Variants in PIEZO2 observed in about 807,000 individuals in gnomAD.
PIEZO2 encodes piezo type mechanosensitive ion channel component 2, also known as piezo-type mechanosensitive ion channel component 2.
A neutral mutation model predicts 337.3 loss-of-function variants in PIEZO2; 172 were observed. The observed-to-expected ratio is 0.51, with a 90% CI of 0.45 to 0.58. The LOEUF is 0.58. Ranked by LOEUF, PIEZO2 falls within the 20% of genes least tolerant of loss-of-function variation. The pLI, the probability that PIEZO2 is intolerant of heterozygous loss-of-function variation, is 0.00. For synonymous variants in PIEZO2, 1,251 were observed against 1,228.5 expected, an observed-to-expected ratio of 1.02 and a Z score of -0.38; for missense variants, 3,028 against 3,391.3, an observed-to-expected ratio of 0.89 and a Z score of 2.66.
At chr18:10,688,747 A>G (rs1254529959) in intron 49 of PIEZO2, among the ~76,000 whole-genome samples, 1 of 152,058 alleles carries the variant, frequency 6.6e-6, no homozygotes, top group Non-Finnish European at 1.5e-5. Flanking sequence ...AACAATCCCT[A>G]GTTCTTCCTA....
Position 10,672,431 on chromosome 18 carries a change from G to T in PIEZO2, c.8345+259C>A, listed in dbSNP as rs985177058. Among the ~76,000 whole-genome samples the T allele has an allele frequency of 5.3e-5, 8 of 152,126 alleles. No homozygotes were observed. The highest frequency in any genetic ancestry group is 1.7e-4 in the African/African-American group (7 of 41,440). On this transcript the variant is annotated intron_variant, in intron 55 of 55. Coordinates refer to ENST00000674853, the MANE Select transcript of PIEZO2 (RefSeq NM_001378183.1). The surrounding 1 kb of genome is among the most constrained non-coding windows in gnomAD (Gnocchi z 4.7). The stretch of plus-strand genomic sequence containing the variant: ...ATTTATACAAGTAAACATGGGATTG[G>T]ATTAAACTGTGCCATAACAGGAAGA...
chr18:10,794,682 C>T lies in PIEZO2; in HGVS notation c.1758+90G>A. On this transcript the variant is annotated intron_variant, in intron 13 of 55. Coordinates refer to ENST00000674853, the MANE Select transcript of PIEZO2 (RefSeq NM_001378183.1). This position sits in a 1 kb window ranked among gnomAD's most constrained non-coding sequence, Gnocchi z 6.6. ...TTACAAAGCAGTGAATATTTGGAAC[C>T]TGTTTTTATAAGGTTTCTCTTGGAT... The T allele has an allele frequency of 9.6e-7, 1 of 1,045,324 alleles. No homozygotes were observed. Among genetic ancestry groups the T allele is most frequent in the Non-Finnish European group, 1.3e-6 (1 of 743,322 alleles). The allele number at this position is 1,045,324 out of a possible 1,614,324, so 64.8% of individuals were successfully genotyped here. A position where few individuals can be genotyped will look rare whatever the true frequency, so the allele number is the denominator to read the frequency against.
intron 33 of PIEZO2, 89 bp downstream of exon 33, chr18:10,740,942 G>T: frequency 7.7e-7 from 1 of 1,305,842 alleles, no homozygotes; most frequent in South Asian, 1.3e-5. Flanking sequence ...ACCATGCATG[G>T]AACACATGGG....
chr18:11,005,194 C>A (rs951961836), intron 2 of PIEZO2, among the ~76,000 whole-genome samples: 1 of 152,222 alleles, frequency 6.6e-6, no homozygotes, highest in Non-Finnish European at 1.5e-5. Flanking sequence ...GTCCATTCCC[C>A]TTCACATCAG....
chr18:10,917,035 C>T (rs1414019199), intron 3 of PIEZO2, among the ~76,000 whole-genome samples: 1 of 152,126 alleles, frequency 6.6e-6, no homozygotes, highest in African/African-American at 2.4e-5. Flanking sequence ...TGCACACGAC[C>T]TTCCATCCAG....
At chr18:10,889,107 T>C (rs1047342859) in intron 4 of PIEZO2, among the ~76,000 whole-genome samples, 2 of 152,130 alleles carry the variant, frequency 1.3e-5, no homozygotes, top group Middle Eastern at 3.2e-3. Flanking sequence ...AGAGAAGAGA[T>C]GGAGAAGAGA....
intron 4 of PIEZO2, among the ~76,000 whole-genome samples, chr18:10,889,145 G>A (rs2042687706): frequency 6.6e-6 from 1 of 152,210 alleles, no homozygotes; most frequent in Admixed American, 6.5e-5. Context: ...GTCCACCCAG[G>A]TGTGCACAGG....
chr18:10,690,955 T>A (rs1321442415), intron 48 of PIEZO2, among the ~76,000 whole-genome samples: 2 of 152,180 alleles, frequency 1.3e-5, no homozygotes. Flanking sequence ...GTATCCCTAT[T>A]TTTCATTCTC....
At chr18:10,843,412 C>G (rs1475534725) in intron 7 of PIEZO2, among the ~76,000 whole-genome samples, 1 of 152,044 alleles carries the variant, frequency 6.6e-6, no homozygotes, top group Non-Finnish European at 1.5e-5. Flanking sequence ...ATTTTATACG[C>G]TGTTCTCTTA....
At chr18:11,072,523 A>G (rs1324022556) in intron 1 of PIEZO2, among the ~76,000 whole-genome samples, 1 of 152,242 alleles carries the variant, frequency 6.6e-6, no homozygotes, top group Non-Finnish European at 1.5e-5. Context: ...AAGAGCATGC[A>G]TAGTGCATGT....
rs1408334705 is a variant in PIEZO2 at position 10,828,618 on chromosome 18, T to C, written c.918-21344A>G. Reference sequence around the variant, plus strand: ...GCCCAGAGAGGGTCCGGAACTCAAATATTGGTTCTTCTCATACCAAATCCT... The same window carrying C: ...GCCCAGAGAGGGTCCGGAACTCAAACATTGGTTCTTCTCATACCAAATCCT... On this transcript the variant is annotated intron_variant, in intron 7 of 55. Transcript: ENST00000674853. The surrounding 1 kb of genome is among the most constrained non-coding windows in gnomAD (Gnocchi z 4.1). Among the ~76,000 whole-genome samples, 1 of 152,194 alleles carries C rather than the reference T, an allele frequency of 6.6e-6. No individual in the cohort carries two copies. The highest frequency in any genetic ancestry group is 2.4e-5 in the African/African-American group (1 of 41,444).
rs554498429 is a variant in PIEZO2 at position 10,977,415 on chromosome 18, T to A, written c.286+2120A>T. On this transcript the variant is annotated intron_variant, in intron 3 of 55. Coordinates refer to ENST00000674853, the MANE Select transcript of PIEZO2 (RefSeq NM_001378183.1). The stretch of plus-strand genomic sequence containing the variant: ...TCATCATTTTTGAAAAAGCCTTTTA[T>A]CTGGATAACACCTTTAGTTATAAGA... Among the ~76,000 whole-genome samples the A allele has an allele frequency of 7.5e-4, 114 of 152,210 alleles. 1 individual carries two copies. The highest frequency in any genetic ancestry group is 2.7e-3 in the African/African-American group (111 of 41,564).
chr18:10,700,978 T>C (rs1598374321), intron 43 of PIEZO2, among the ~76,000 whole-genome samples: 1 of 152,146 alleles, frequency 6.6e-6, no homozygotes, highest in African/African-American at 2.4e-5. Context: ...CAGAGTACAC[T>C]CAGATGAAAC....
rs2037513107 is a variant in PIEZO2 at position 10,748,468 on chromosome 18, C to T, written c.4424+3G>A. On this transcript the variant is annotated splice_donor_region_variant and intron_variant, in intron 30 of 55. Coordinates refer to ENST00000674853, the MANE Select transcript of PIEZO2 (RefSeq NM_001378183.1). This position sits in a 1 kb window ranked among gnomAD's most constrained non-coding sequence, Gnocchi z 5.1. ...AACCACCTGATTTCATGGCCTGACCCACCTTGATGCCAGAATCTGGGAAGC... is the reference window on the plus strand; with the variant it reads ...AACCACCTGATTTCATGGCCTGACCTACCTTGATGCCAGAATCTGGGAAGC... 1.3e-6 allele frequency: 2 copies of T among 1,536,804 alleles called. No individual in the cohort carries two copies. The highest frequency in any genetic ancestry group is 1.7e-6 in the Non-Finnish European group (2 of 1,146,788).
At position 10,750,897 on chromosome 18, in the gene PIEZO2, C is replaced by T. The variant is rs2037622059; in HGVS notation, c.4168-710G>A. Among the ~76,000 whole-genome samples the T allele has an allele frequency of 1.3e-5, 2 of 152,094 alleles. No homozygotes were observed. Among genetic ancestry groups the T allele is most frequent in the African/African-American group, 4.8e-5 (2 of 41,404 alleles). Reference sequence around the variant, plus strand: ...AGCAGCAGTTACTCGTTATGGATTCCCCAGCCCTGGGAATATTCCAGTCCT... The same window carrying T: ...AGCAGCAGTTACTCGTTATGGATTCTCCAGCCCTGGGAATATTCCAGTCCT... On this transcript the variant is annotated intron_variant, in intron 28 of 55. Coordinates refer to ENST00000674853, the MANE Select transcript of PIEZO2 (RefSeq NM_001378183.1). The surrounding 1 kb of genome is among the most constrained non-coding windows in gnomAD (Gnocchi z 4.1).
chr18:10,704,217 G>C (rs1420130761), intron 42 of PIEZO2, 177 bp downstream of exon 42: 2 of 851,516 alleles, frequency 2.3e-6, no homozygotes, highest in Admixed American at 2.9e-5. Flanking sequence ...CGAGTGCTAG[G>C]TAACTGTTGC....
intron 1 of PIEZO2, among the ~76,000 whole-genome samples, chr18:11,098,618 T>G (rs1293759931): frequency 6.7e-6 from 1 of 150,366 alleles, no homozygotes; most frequent in Non-Finnish European, 1.5e-5. Context: ...TAATGGGAGG[T>G]GTTTAGGTCA....
At chr18:11,086,952 A>G (rs2038936225) in intron 1 of PIEZO2, among the ~76,000 whole-genome samples, 1 of 152,158 alleles carries the variant, frequency 6.6e-6, no homozygotes, top group Non-Finnish European at 1.5e-5. Context: ...TCCACCTGCT[A>G]TGTTCTGAAT....
intron 14 of PIEZO2, 42 bp downstream of exon 14, chr18:10,791,159 C>T (rs566208297): frequency 3.4e-6 from 5 of 1,481,256 alleles, no homozygotes; most frequent in Admixed American, 2.3e-5. Context: ...TGTAATTTTG[C>T]TGAGCACCAA....
Sources: gnomAD v4.1 joint callset for allele counts (sites outside exome capture counted in the v4.1 genomes callset) on GRCh38, gnomAD v4.1.1 for gene constraint, Gnocchi (gnomAD v3.1) non-coding constraint, MANE v1.5 for transcripts, NCBI Gene and HGNC (gene_info 2026-07-23, HGNC 2026-07-21) for gene names.